RSRC1: variants seen among roughly 807,000 people sequenced by gnomAD.
RSRC1 encodes the protein serine/Arginine-related protein 53.
RSRC1 carries 39 observed loss-of-function variants against 49.1 expected under a neutral mutation model. The ratio of observed to expected loss-of-function variants is 0.79; its 90% CI spans 0.61 to 1.04. The LOEUF is 1.04. RSRC1 is among the 50% of genes least tolerant of loss of function. The probability of loss-of-function intolerance (pLI) is 0.00; values close to 1 mark genes in which losing one functional copy is unlikely to be tolerated. For synonymous variants in RSRC1, 143 were observed against 130.8 expected (o/e 1.09, Z -0.63); for missense variants, 388 against 402.4 (o/e 0.96, Z 0.31).
intron 4 of RSRC1, among the ~76,000 whole-genome samples, chr3:158,221,192 A>G (rs1303698043): frequency 1.3e-5 from 2 of 151,626 alleles, no homozygotes; most frequent in East Asian, 3.9e-4. Flanking sequence ...TAGTAAGATA[A>G]TCAGGCTTTG....
intron 7 of RSRC1, among the ~76,000 whole-genome samples, chr3:158,473,369 T>C (rs544987974): frequency 6.3e-4 from 96 of 152,224 alleles, no homozygotes; most frequent in African/African-American, 2.3e-3. Flanking sequence ...TGTAGGGACA[T>C]GGATGAAGCT....
rs143768989 is a variant in RSRC1 at position 158,529,837 on chromosome 3, A to G, written c.653-7255A>G. 5.6e-3 allele frequency among the ~76,000 whole-genome samples: 852 copies of G among 152,086 alleles called. 6 individuals are homozygous for G. The highest frequency in any genetic ancestry group is 0.019 in the African/African-American group (808 of 41,524). On this transcript the variant is annotated intron_variant, in intron 7 of 9. Transcript: ENST00000611884. ...TATAAGACATCCATTAGGAAGTGACAAGATCTCCCATCTCTTTAGTCACTG... is the reference window on the plus strand; with the variant it reads ...TATAAGACATCCATTAGGAAGTGACGAGATCTCCCATCTCTTTAGTCACTG...
At position 158,460,968 on chromosome 3, in the gene RSRC1, GA is replaced by G; in HGVS notation, c.620del (p.Asn207MetfsTer17). ...KADEALKAKE[R>X]NEEEAKRRKE... The stretch of plus-strand genomic sequence containing the variant: ...GATGAAGCATTGAAAGCCAAAGAAA[GA>G]AATGAGGAAGAAGCAAAGAGAAGAA... On this transcript the variant is annotated frameshift_variant, in exon 7 of 10. Coordinates refer to ENST00000611884, the MANE Select transcript of RSRC1 (RefSeq NM_001271838.2). LOFTEE classifies it high-confidence loss of function. 6.3e-7 allele frequency: 1 copy of G among 1,599,032 alleles called. No individual in the cohort carries two copies. Among genetic ancestry groups the G allele is most frequent in the Non-Finnish European group, 8.5e-7 (1 of 1,171,086 alleles).
chr3:158,513,423 G>C (rs1004131131), intron 7 of RSRC1, among the ~76,000 whole-genome samples: 2 of 152,160 alleles, frequency 1.3e-5, no homozygotes, highest in East Asian at 3.8e-4. Context: ...TATATTTATT[G>C]ATTTGTATAT....
At chr3:158,393,731 A>G (rs1733456025) in intron 6 of RSRC1, among the ~76,000 whole-genome samples, 1 of 152,018 alleles carries the variant, frequency 6.6e-6, no homozygotes, top group Non-Finnish European at 1.5e-5. Flanking sequence ...ATTCTACCAG[A>G]TGTATAAAGA....
chr3:158,369,489 T>A (rs2108264585), intron 6 of RSRC1, among the ~76,000 whole-genome samples: 1 of 152,256 alleles, frequency 6.6e-6, no homozygotes, highest in Admixed American at 6.5e-5. Flanking sequence ...ATACGTAGAC[T>A]GTATGATTTT....
At chr3:158,281,027 A>G (rs1025026169) in intron 4 of RSRC1, among the ~76,000 whole-genome samples, 10 of 152,166 alleles carry the variant, frequency 6.6e-5, no homozygotes, top group Admixed American at 5.2e-4. Context: ...GAAGTGGTTA[A>G]AATAGCTATG....
At chr3:158,219,380 C>A (rs1462409232) in intron 4 of RSRC1, among the ~76,000 whole-genome samples, 3 of 151,386 alleles carry the variant, frequency 2.0e-5, no homozygotes, top group Non-Finnish European at 3.0e-5. Flanking sequence ...TATATAAGGG[C>A]TTACATACAG....
At chr3:158,397,030 G>T (rs1441791496) in intron 6 of RSRC1, among the ~76,000 whole-genome samples, 6 of 152,048 alleles carry the variant, frequency 3.9e-5, no homozygotes, top group Non-Finnish European at 8.8e-5. Context: ...CCACAACAGT[G>T]TACCACCTTC....
At chr3:158,339,868 A>G (rs1290939270) in intron 5 of RSRC1, among the ~76,000 whole-genome samples, 1 of 152,248 alleles carries the variant, frequency 6.6e-6, no homozygotes, top group Non-Finnish European at 1.5e-5. Flanking sequence ...AGGGCATTAC[A>G]GGAAGACAGA....
intron 4 of RSRC1, among the ~76,000 whole-genome samples, chr3:158,248,528 A>G (rs138532816): frequency 7.9e-5 from 12 of 151,844 alleles, no homozygotes; most frequent in Non-Finnish European, 1.2e-4. Context: ...GCATTTATAT[A>G]TAGTTCTTTA....
chr3:158,331,634 T>G (rs922909189), intron 5 of RSRC1, among the ~76,000 whole-genome samples: 1 of 152,152 alleles, frequency 6.6e-6, no homozygotes, highest in African/African-American at 2.4e-5. Context: ...CAAATGAACT[T>G]GCCACTTTTA....
rs773896259 is a variant in RSRC1, at chr3:158,483,838, C to T, written c.652+22835C>T. The stretch of plus-strand genomic sequence containing the variant: ...GGTATAATGTTGATTTGATTAGTTA[C>T]GCCTGACTAGTAAGCAGTGAAACAT... On this transcript the variant is annotated intron_variant, in intron 7 of 9. Transcript: ENST00000611884. Among the ~76,000 whole-genome samples the T allele has an allele frequency of 5.2e-4, 79 of 151,882 alleles. 1 individual carries two copies. Among genetic ancestry groups the T allele is most frequent in the South Asian group, 2.1e-4 (1 of 4,828 alleles).
rs79457452 is a variant in RSRC1, at chr3:158,504,285, G to A, written c.653-32807G>A. Among the ~76,000 whole-genome samples, 14 of 152,262 alleles carry A rather than the reference G, an allele frequency of 9.2e-5. No homozygotes were observed. In the East Asian group the frequency reaches 2.1e-3, roughly 23 times the overall value. On this transcript the variant is annotated intron_variant, in intron 7 of 9. Transcript: ENST00000611884. Reference sequence around the variant, plus strand: ...TTCATTAGCTCTGTGGGTCCTCTCCGGATTGCTGGTTTGTTCTTGCAGTCA... The same window carrying A: ...TTCATTAGCTCTGTGGGTCCTCTCCAGATTGCTGGTTTGTTCTTGCAGTCA...
chr3:158,265,095 T>G (rs1725096216), intron 4 of RSRC1, among the ~76,000 whole-genome samples: 1 of 152,092 alleles, frequency 6.6e-6, no homozygotes, highest in Non-Finnish European at 1.5e-5. Context: ...AATCCAGGAG[T>G]TTGCCAAGCT....
At chr3:158,281,171 A>AG (rs1726140205) in intron 4 of RSRC1, among the ~76,000 whole-genome samples, 1 of 152,172 alleles carries the variant, frequency 6.6e-6, no homozygotes, top group African/African-American at 2.4e-5. Context: ...TTGTATTTGT[A>AG]GGGGGAAAAA....
chr3:158,264,539 A>G (rs988298256), intron 4 of RSRC1, among the ~76,000 whole-genome samples: 4 of 152,188 alleles, frequency 2.6e-5, no homozygotes, highest in African/African-American at 9.6e-5. Context: ...TTGATGGTGA[A>G]GTTCACATCT....
At chr3:158,353,995 C>CT (rs1230649090) in intron 5 of RSRC1, among the ~76,000 whole-genome samples, 9,200 of 95,978 alleles carry the variant, frequency 0.096, 872 homozygotes, top group African/African-American at 0.18. Flanking sequence ...GTTTCTTTTT[C>CT]TTTTTTTTTT....
At chr3:158,294,717 AT>A (rs1232548075) in intron 4 of RSRC1, among the ~76,000 whole-genome samples, 1 of 151,870 alleles carries the variant, frequency 6.6e-6, no homozygotes, top group African/African-American at 2.4e-5. Flanking sequence ...AGTAAAAAAA[AT>A]AAATAAATAA....
Sources: gnomAD v4.1 joint callset for allele counts (sites outside exome capture counted in the v4.1 genomes callset) on GRCh38, gnomAD v4.1.1 for gene constraint, MANE v1.5 for transcripts, NCBI Gene and HGNC (gene_info 2026-07-23, HGNC 2026-07-21) for gene names.